The following NEK4 variants were observed in gnomAD, a reference collection of about 807,000 sequenced individuals.
The protein encoded by NEK4 is NIMA related kinase 4, also known as serine/threonine-protein kinase Nek4.
Under a neutral mutation model 98.4 loss-of-function variants are expected in NEK4, and 86 were observed. The observed-to-expected ratio is 0.87, with a 90% CI of 0.73 to 1.05. The LOEUF (loss-of-function observed/expected upper bound fraction) is 1.05, where lower values mean the gene tolerates loss of function less well. Ranked by LOEUF, NEK4 falls within the 50% of genes least tolerant of loss-of-function variation. The pLI is 0.00. For synonymous variants in NEK4, 328 were observed against 342.2 expected (o/e 0.96, Z 0.46); for missense variants, 898 against 950.3 (o/e 0.94, Z 0.72).
intron 15 of NEK4, among the ~76,000 whole-genome samples, chr3:52,731,821 G>GA (rs2097369942): frequency 6.6e-6 from 1 of 152,178 alleles, no homozygotes; most frequent in Non-Finnish European, 1.5e-5. Context: ...ATCTCATCTT[G>GA]AATTGTATCT....
chr3:52,743,640 G>C (rs1218034151), intron 11 of NEK4, among the ~76,000 whole-genome samples, 179 bp from the exon 12 acceptor site: 1 of 152,204 alleles, frequency 6.6e-6, no homozygotes, highest in Non-Finnish European at 1.5e-5. Flanking sequence ...AGGTCCACCA[G>C]CTCTGTGACC....
At chr3:52,737,359 G>A (rs2154103411) in intron 15 of NEK4, 2 of 448,816 alleles carry the variant, frequency 4.5e-6, no homozygotes, top group Non-Finnish European at 7.8e-6. Flanking sequence ...AGATTTGGCA[G>A]TGCGGACCAT....
intron 6 of NEK4, chr3:52,754,348 G>A: frequency 2.4e-6 from 1 of 408,594 alleles, no homozygotes; most frequent in Non-Finnish European, 4.9e-6. Context: ...AATTTGGCAA[G>A]TACTAACAAT....
At chr3:52,737,396 G>A (rs927994514) in intron 15 of NEK4, 190 bp downstream of exon 15, 10 of 542,578 alleles carry the variant, frequency 1.8e-5, no homozygotes, top group Non-Finnish European at 3.2e-5. Context: ...CAGGTGCAGG[G>A]CTTCTTGGGG....
chr3:52,739,763 C>G, intron 13 of NEK4, 129 bp from the exon 14 acceptor site: 1 of 704,716 alleles, frequency 1.4e-6, no homozygotes, highest in Non-Finnish European at 2.4e-6. Flanking sequence ...ACAGACTGAC[C>G]TGACCCTTCC....
At chr3:52,712,419 T>C (rs1578609596) in intron 15 of NEK4, among the ~76,000 whole-genome samples, 1 of 152,110 alleles carries the variant, frequency 6.6e-6, no homozygotes, top group African/African-American at 2.4e-5. Context: ...TGTCTAGTGG[T>C]GAATGTTTAC....
At chr3:52,752,917 A>AAAAAAAAAAAAAAATATAT (rs1341504051) in intron 6 of NEK4, among the ~76,000 whole-genome samples, 1 of 83,952 alleles carries the variant, frequency 1.2e-5, no homozygotes, top group Non-Finnish European at 2.5e-5. Flanking sequence ...AAAAAAAAAA[A>AAAAAAAAAAAAAAATATAT]ATATATATAT....
intron 15 of NEK4, 101 bp downstream of exon 15, chr3:52,737,485 C>T (rs1019023309): frequency 6.5e-6 from 8 of 1,230,534 alleles, no homozygotes; most frequent in Non-Finnish European, 9.5e-6. Flanking sequence ...CTGAATTATA[C>T]ACTTTAGATG....
At chr3:52,730,045 T>C (rs1033314492) in intron 15 of NEK4, among the ~76,000 whole-genome samples, 2 of 152,068 alleles carry the variant, frequency 1.3e-5, no homozygotes, top group African/African-American at 2.4e-5. Context: ...GAGGCAGAGA[T>C]TGCAGCAAGC....
chr3:52,709,716 AAAAAAAGAT>A lies in NEK4; in HGVS notation c.*2052_*2060del, dbSNP rs993508897. The A allele has an allele frequency of 3.3e-5, 5 of 150,952 alleles. No individual in the cohort carries two copies. Among genetic ancestry groups the A allele is most frequent in the African/African-American group, 1.2e-4 (5 of 41,136 alleles). 9.4% of individuals were successfully genotyped at this position (150,952 alleles called of 1,614,324 possible). A position where few individuals can be genotyped will look rare whatever the true frequency, so the allele number is the denominator to read the frequency against. ...ACCCTGTCTCAAAAAAAAAAAAAAA[AAAAAAAGAT>A]ATGGGTGAGATTCCTTTAATTCTAA... On this transcript the variant is annotated 3_prime_UTR_variant, in exon 16 of 16. Transcript: ENST00000233027.
At chr3:52,770,545 G>T in intron 1 of NEK4, 109 bp downstream of exon 1, 1 of 790,498 alleles carries the variant, frequency 1.3e-6, no homozygotes, top group Non-Finnish European at 2.1e-6. Flanking sequence ...CTGAGGAAAC[G>T]CCATCCGAGA....
intron 1 of NEK4, 39 bp downstream of exon 1, chr3:52,770,615 G>A (rs767489739): frequency 7.0e-7 from 1 of 1,427,188 alleles, no homozygotes; most frequent in South Asian, 1.2e-5. Context: ...GCGCACTTCT[G>A]CCCGCCCCCG....
At chr3:52,717,142 C>T (rs758362044) in intron 15 of NEK4, among the ~76,000 whole-genome samples, 1 of 152,048 alleles carries the variant, frequency 6.6e-6, no homozygotes, top group Non-Finnish European at 1.5e-5. Flanking sequence ...TGTGTTGGCT[C>T]ACACCTGTAA....
chr3:52,763,860 A>T (rs1176177797), intron 4 of NEK4, among the ~76,000 whole-genome samples: 1 of 152,262 alleles, frequency 6.6e-6, no homozygotes, highest in Non-Finnish European at 1.5e-5. Context: ...TCATTCAGAA[A>T]TAAGAGTATG....
Position 52,770,654 on chromosome 3 carries a change from C to T in NEK4, c.93G>A (p.Gln31=), listed in dbSNP as rs1698745564. The T allele has an allele frequency of 1.3e-6, 2 of 1,553,328 alleles. No homozygotes were observed. The highest frequency in any genetic ancestry group is 1.7e-6 in the Non-Finnish European group (2 of 1,149,368). The change falls in exon 1 of 16, where the codon CAG becomes CAA. Residue 31 remains glutamine, a splice_region_variant and synonymous_variant. Coordinates refer to ENST00000233027, the MANE Select transcript of NEK4 (RefSeq NM_003157.6). ...CTTGCCGGGCCCCACCCCTGCAGACCTGCTTGCCGTCCCGCCGGTGCTTCA... is the reference window on the plus strand; with the variant it reads ...CTTGCCGGGCCCCACCCCTGCAGACTTGCTTGCCGTCCCGCCGGTGCTTCA... ...TLVKHRRDGK[Q]YVIKKLNLRN... is the part of the protein sequence containing the mutation.
intron 15 of NEK4, among the ~76,000 whole-genome samples, chr3:52,724,232 A>AACACACACACACACACACACACACAC (rs10528307): frequency 3.3e-3 from 482 of 145,274 alleles, no homozygotes; most frequent in Middle Eastern, 0.011. Flanking sequence ...TTTGTCTTAA[A>AACACACACACACACACACACACACAC]ACACACACAC....
intron 8 of NEK4, chr3:52,747,284 C>T (rs995714444): frequency 5.0e-5 from 9 of 180,968 alleles, no homozygotes; most frequent in African/African-American, 1.2e-4. Context: ...GTGAAACCCC[C>T]GTCTCTACAA....
At position 52,760,880 on chromosome 3, in the gene NEK4, G is replaced by A. The variant is rs1698330422; in HGVS notation, c.878C>T (p.Thr293Ile). 6 of 1,607,772 alleles carry A rather than the reference G, an allele frequency of 3.7e-6. No individual in the cohort carries two copies. In the East Asian group the frequency reaches 8.9e-5, roughly 24 times the overall value. The change falls in exon 6 of 16, where the codon ACA becomes ATA. Residue 293 changes from threonine to isoleucine, a missense_variant. Thr to Ile is a moderately conservative substitution (Grantham distance 89). Coordinates refer to ENST00000233027, the MANE Select transcript of NEK4 (RefSeq NM_003157.6). ...NGDSQSKPFA[T>I]VVSGEAESNH... ...TGATTCTGCCTCTCCAGAAACCACTGTAGCAAAAGGCTTGGATTGAGAGTC... is the reference window on the plus strand; with the variant it reads ...TGATTCTGCCTCTCCAGAAACCACTATAGCAAAAGGCTTGGATTGAGAGTC...
At position 52,746,796 on chromosome 3, in the gene NEK4, T is replaced by A; in HGVS notation, c.1615A>T (p.Lys539Ter). The A allele has an allele frequency of 6.2e-7, 1 of 1,614,152 alleles. No homozygotes were observed. Among genetic ancestry groups the A allele is most frequent in the Non-Finnish European group, 8.5e-7 (1 of 1,180,012 alleles). Reference sequence around the variant, plus strand: ...CTGTGCTCAGTCTGTTCTCTCCTCTTTTGCCGTCGCTGTCGAGACAGGGAA... The same window carrying A: ...CTGTGCTCAGTCTGTTCTCTCCTCTATTGCCGTCGCTGTCGAGACAGGGAA... ...EPSLSRQRRQ[K>*]RREQTEHRGE... The change falls in exon 9 of 16, where the codon AAG (lysine) becomes TAG (stop). Residue 539 changes from lysine (K) to a stop codon, truncating the protein, a stop_gained. Coordinates refer to ENST00000233027, the MANE Select transcript of NEK4 (RefSeq NM_003157.6). LOFTEE classifies it high-confidence loss of function.
Sources: gnomAD v4.1 joint callset for allele counts (sites outside exome capture counted in the v4.1 genomes callset) on GRCh38, gnomAD v4.1.1 for gene constraint, MANE v1.5 for transcripts, NCBI Gene and HGNC (gene_info 2026-07-23, HGNC 2026-07-21) for gene names.